FARS2: variants seen among roughly 807,000 people sequenced by gnomAD.
FARS2 encodes the protein phenylalanine--tRNA ligase, mitochondrial.
Under a neutral mutation model 46.4 loss-of-function variants are expected in FARS2, and 40 were observed. That is an observed-to-expected ratio of 0.86 (90% confidence interval 0.67 to 1.12). The LOEUF (loss-of-function observed/expected upper bound fraction) is 1.12, where lower values mean the gene tolerates loss of function less well. FARS2 is among the 50% of genes most tolerant of loss of function. The pLI is 0.00. For synonymous variants in FARS2, 234 were observed against 214.9 expected, an observed-to-expected ratio of 1.09 and a Z score of -0.78; for missense variants, 513 against 567.9, an observed-to-expected ratio of 0.90 and a Z score of 0.98.
intron 1 of FARS2, among the ~76,000 whole-genome samples, chr6:5,324,687 G>A (rs1340198668): frequency 6.6e-6 from 1 of 152,036 alleles, no homozygotes; most frequent in Non-Finnish European, 1.5e-5. Context: ...ACAATAAACT[G>A]TGTTTGAAAA....
At chr6:5,533,323 T>C (rs1225656621) in intron 4 of FARS2, among the ~76,000 whole-genome samples, 2 of 152,236 alleles carry the variant, frequency 1.3e-5, no homozygotes, top group Non-Finnish European at 2.9e-5. Context: ...CTTTATAATA[T>C]GATAGATAAA....
At chr6:5,441,799 GC>G (rs1763857948) in intron 4 of FARS2, among the ~76,000 whole-genome samples, 1 of 152,198 alleles carries the variant, frequency 6.6e-6, no homozygotes, top group Admixed American at 6.5e-5. Context: ...GCACTTACGA[GC>G]ATCTTTGGGT....
At chr6:5,553,324 G>C (rs1771475091) in intron 5 of FARS2, among the ~76,000 whole-genome samples, 2 of 152,176 alleles carry the variant, frequency 1.3e-5, no homozygotes. Flanking sequence ...AATACTGGTA[G>C]TTAGTAGTTA....
intron 2 of FARS2, among the ~76,000 whole-genome samples, chr6:5,396,763 G>T (rs575377143): frequency 6.6e-6 from 1 of 152,194 alleles, no homozygotes; most frequent in African/African-American, 2.4e-5. Context: ...GCAGCTGAGC[G>T]ATCAGGCCTC....
chr6:5,621,111 G>C (rs1775750880), intron 6 of FARS2, among the ~76,000 whole-genome samples: 1 of 152,092 alleles, frequency 6.6e-6, no homozygotes, highest in African/African-American at 2.4e-5. Context: ...CAAGATTCTG[G>C]GGTGTTTGTT....
intron 5 of FARS2, among the ~76,000 whole-genome samples, chr6:5,562,600 T>G (rs1429030634): frequency 6.6e-6 from 1 of 151,964 alleles, no homozygotes; most frequent in Non-Finnish European, 1.5e-5. Flanking sequence ...TGCCCTGACA[T>G]TTATTGGCAC....
At chr6:5,440,739 G>A (rs1325327598) in intron 4 of FARS2, among the ~76,000 whole-genome samples, 4 of 152,102 alleles carry the variant, frequency 2.6e-5, no homozygotes, top group Non-Finnish European at 4.4e-5. Flanking sequence ...TGCCCAGGCT[G>A]GACTTGAGCT....
chr6:5,479,730 T>TA lies in FARS2; in HGVS notation c.904+48565dup, dbSNP rs565325284. On this transcript the variant is annotated intron_variant, in intron 4 of 6. Transcript: ENST00000274680. ...GTGTATATAAAATTCCACAGCGATT[T>TA]AAAAAAATCATTCTGGTTTGAATTA... is the stretch of plus-strand genomic sequence containing the variant. 8.5e-5 allele frequency among the ~76,000 whole-genome samples: 13 copies of TA among 152,320 alleles called. 1 individual carries two copies. The highest frequency in any genetic ancestry group is 2.6e-4 in the African/African-American group (11 of 41,570).
chr6:5,478,627 A>G (rs915727048), intron 4 of FARS2, among the ~76,000 whole-genome samples: 4 of 152,042 alleles, frequency 2.6e-5, no homozygotes, highest in African/African-American at 7.3e-5. Context: ...TCAAACCACC[A>G]TGATTCTCTC....
In FARS2 at chr6:5,382,847, A is replaced by G. The variant is rs115264524; in HGVS notation, c.612+13665A>G. Among the ~76,000 whole-genome samples, 604 of 152,342 alleles carry G rather than the reference A, an allele frequency of 4.0e-3. 1 individual carries two copies. Among genetic ancestry groups the G allele is most frequent in the African/African-American group, 0.014 (584 of 41,572 alleles). ...CACAATCTGAAGGTTGGAGAAGCAG[A>G]AGAGCCAATGGAGTCCAAGTCTGAA... On this transcript the variant is annotated intron_variant, in intron 2 of 6. Transcript: ENST00000274680.
intron 1 of FARS2, among the ~76,000 whole-genome samples, chr6:5,354,091 C>T (rs1757764067): frequency 6.6e-6 from 1 of 151,962 alleles, no homozygotes; most frequent in Non-Finnish European, 1.5e-5. Flanking sequence ...CCATGTCATC[C>T]TCTGGAGCAC....
chr6:5,449,493 G>C (rs1046439488), intron 4 of FARS2, among the ~76,000 whole-genome samples: 3 of 151,998 alleles, frequency 2.0e-5, no homozygotes, highest in Admixed American at 6.5e-5. Flanking sequence ...ATATTCTCCT[G>C]GGTTCCTTTA....
chr6:5,450,260 A>G (rs928157359), intron 4 of FARS2, among the ~76,000 whole-genome samples: 1 of 151,974 alleles, frequency 6.6e-6, no homozygotes, highest in Admixed American at 6.6e-5. Context: ...CACTGTGGGA[A>G]GAGTAGGAGG....
At chr6:5,454,403 G>T (rs1399683970) in intron 4 of FARS2, among the ~76,000 whole-genome samples, 3 of 151,906 alleles carry the variant, frequency 2.0e-5, no homozygotes, top group Admixed American at 2.0e-4. Context: ...GTGCAGTGGC[G>T]TGATCTCGGC....
At chr6:5,609,406 C>A in intron 5 of FARS2, 1 of 1,271,538 alleles carries the variant, frequency 7.9e-7, no homozygotes, top group Non-Finnish European at 1.1e-6. Context: ...TTGCCAAAAT[C>A]ATTGTAGCTT....
intron 5 of FARS2, among the ~76,000 whole-genome samples, chr6:5,587,866 A>T (rs1773704135): frequency 6.6e-6 from 1 of 152,180 alleles, no homozygotes; most frequent in African/African-American, 2.4e-5. Context: ...AAGGGGGACA[A>T]TGATATTTAT....
intron 4 of FARS2, among the ~76,000 whole-genome samples, chr6:5,475,007 T>A (rs1766038398): frequency 6.6e-6 from 1 of 152,204 alleles, no homozygotes; most frequent in Non-Finnish European, 1.5e-5. Flanking sequence ...ATAAGTAGTC[T>A]GCCATTTACC....
At chr6:5,637,452 G>A (rs1160403340) in intron 6 of FARS2, among the ~76,000 whole-genome samples, 1 of 152,200 alleles carries the variant, frequency 6.6e-6, no homozygotes, top group Non-Finnish European at 1.5e-5. Context: ...TGAGGCCACA[G>A]GTAAAGCAGC....
intron 4 of FARS2, among the ~76,000 whole-genome samples, chr6:5,528,495 TTC>T (rs976539664): frequency 1.3e-5 from 2 of 152,212 alleles, no homozygotes; most frequent in African/African-American, 4.8e-5. Context: ...TTATAGGTCT[TTC>T]TCTCTCTGCT....
Sources: allele counts gnomAD v4.1 joint callset (sites outside exome capture counted in the v4.1 genomes callset), GRCh38; gene constraint gnomAD v4.1.1; transcripts MANE v1.5; gene names NCBI Gene and HGNC (gene_info 2026-07-23, HGNC 2026-07-21).